Variants in DPP6 observed in about 807,000 individuals in gnomAD.
DPP6 encodes the protein A-type potassium channel modulatory protein DPP6.
Under a neutral mutation model 122.6 loss-of-function variants are expected in DPP6, and 69 were observed. That is an observed-to-expected ratio of 0.56 (90% confidence interval 0.46 to 0.69). DPP6 has a LOEUF of 0.69. DPP6 is among the 30% of genes least tolerant of loss of function. The pLI, the probability that DPP6 is intolerant of heterozygous loss-of-function variation, is 0.00. For missense variants in DPP6, 928 were observed against 1,116.9 expected (o/e 0.83, Z 2.41); for synonymous variants, 418 against 433.1 (o/e 0.97, Z 0.43).
At chr7:154,305,420 C>G (rs909822519) in intron 1 of DPP6, 86 of 1,256,894 alleles carry the variant, frequency 6.8e-5, no homozygotes, top group Non-Finnish European at 7.1e-5. Context: ...CTTACCTTAC[C>G]GCTTGGACTC....
the DPP6 span, among the ~76,000 whole-genome samples, chr7:153,808,418 T>C: frequency 1.3e-5 from 2 of 151,858 alleles, no homozygotes; most frequent in African/African-American, 4.9e-5. Flanking sequence ...TGTATGTGTG[T>C]CTGTGTGTGT....
chr7:154,202,661 C>T (rs1481582970), intron 1 of DPP6, among the ~76,000 whole-genome samples: 3 of 152,166 alleles, frequency 2.0e-5, no homozygotes, highest in African/African-American at 7.2e-5. Context: ...TCCTGTGAAC[C>T]CGTCATCCCC....
At chr7:154,828,037 C>T (rs542434851) in intron 16 of DPP6, among the ~76,000 whole-genome samples, 8 of 152,254 alleles carry the variant, frequency 5.3e-5, no homozygotes, top group Admixed American at 4.6e-4. Flanking sequence ...TCTTTCTAAA[C>T]GCAGCGCTGA....
intron 1 of DPP6, among the ~76,000 whole-genome samples, chr7:154,367,867 C>T (rs1264716168): frequency 6.6e-6 from 1 of 152,304 alleles, no homozygotes; most frequent in African/African-American, 2.4e-5. Flanking sequence ...CGACAGTGGG[C>T]GCGATCTCGG....
intron 1 of DPP6, among the ~76,000 whole-genome samples, chr7:154,263,180 A>G (rs978177387): frequency 1.4e-4 from 21 of 152,190 alleles, no homozygotes; most frequent in African/African-American, 2.4e-4. Flanking sequence ...GTGATTGCCT[A>G]TTACAGGAGA....
chr7:154,326,954 G>T (rs1808496228), intron 1 of DPP6, among the ~76,000 whole-genome samples: 1 of 152,188 alleles, frequency 6.6e-6, no homozygotes, highest in African/African-American at 2.4e-5. Context: ...TCGCTAGAGG[G>T]TGGGCAGAGA....
rs898238178 is a variant in DPP6 at position 154,879,217 on chromosome 7, C to T, written c.2079-1671C>T. The stretch of plus-strand genomic sequence containing the variant: ...CAGCACTTTGGGAGGCCCAGGTGGG[C>T]GGATCACCGGAGTCCAGGAGTTCAA... On this transcript the variant is annotated intron_variant, in intron 20 of 25. Coordinates refer to ENST00000377770, the MANE Select transcript of DPP6 (RefSeq NM_130797.4). Among the ~76,000 whole-genome samples the T allele has an allele frequency of 2.6e-5, 4 of 152,098 alleles. 1 individual carries two copies. The highest frequency in any genetic ancestry group is 7.2e-5 in the African/African-American group (3 of 41,408).
chr7:153,967,019 A>G (rs904172313), intron 1 of DPP6, among the ~76,000 whole-genome samples: 6 of 150,344 alleles, frequency 4.0e-5, no homozygotes, highest in Non-Finnish European at 7.3e-5. Flanking sequence ...GTGTGCCCTG[A>G]TGGTGCCACA....
intron 3 of DPP6, among the ~76,000 whole-genome samples, chr7:154,528,645 G>A (rs531893667): frequency 6.6e-6 from 1 of 152,294 alleles, no homozygotes; most frequent in Non-Finnish European, 1.5e-5. Flanking sequence ...CTTCTCTGGC[G>A]AATCATGTAC....
At chr7:154,459,624 G>GT (rs1821099558) in intron 2 of DPP6, among the ~76,000 whole-genome samples, 1 of 151,936 alleles carries the variant, frequency 6.6e-6, no homozygotes, top group African/African-American at 2.4e-5. Context: ...GAGGTCAGGT[G>GT]TTTGAGACCA....
chr7:154,051,029 T>G (rs1800278543), upstream of DPP6, among the ~76,000 whole-genome samples: 1 of 133,832 alleles, frequency 7.5e-6, no homozygotes, highest in South Asian at 2.4e-4. Flanking sequence ...GCATGCAGTT[T>G]CAGGCCCAGG....
intron 6 of DPP6, among the ~76,000 whole-genome samples, chr7:154,647,479 G>C (rs2130972625): frequency 6.6e-6 from 1 of 152,264 alleles, no homozygotes; most frequent in Non-Finnish European, 1.5e-5. Context: ...TCAGTAAAGG[G>C]GTTATAGTAT....
chr7:154,210,873 T>G (rs1799704414), intron 1 of DPP6, among the ~76,000 whole-genome samples: 1 of 152,032 alleles, frequency 6.6e-6, no homozygotes, highest in African/African-American at 2.4e-5. Context: ...GCCGTAATCG[T>G]TAGATGCCAG....
At chr7:153,937,210 C>T (rs1801488556) in intron 1 of DPP6, among the ~76,000 whole-genome samples, 1 of 152,100 alleles carries the variant, frequency 6.6e-6, no homozygotes, top group African/African-American at 2.4e-5. Flanking sequence ...CTAGAAAGCC[C>T]TGTGGGCCTC....
chr7:153,953,088 T>C (rs73496227), intron 1 of DPP6, among the ~76,000 whole-genome samples: 3,344 of 152,266 alleles, frequency 0.022, 129 homozygotes, highest in African/African-American at 0.075. Context: ...TGAAATGAGA[T>C]AGTTCACCAT....
At chr7:154,320,001 A>AAT (rs71182894) in intron 1 of DPP6, among the ~76,000 whole-genome samples, 4,338 of 139,052 alleles carry the variant, frequency 0.031, 98 homozygotes, top group African/African-American at 0.054. Flanking sequence ...AAATATTTCA[A>AAT]ATATATATAT....
intron 1 of DPP6, among the ~76,000 whole-genome samples, chr7:154,239,784 C>A (rs1227038065): frequency 2.0e-5 from 3 of 146,898 alleles, no homozygotes; most frequent in Non-Finnish European, 3.0e-5. Context: ...ACCAGCCTGG[C>A]CAACATGGTA....
chr7:154,538,819 G>C (rs933023149), intron 3 of DPP6, among the ~76,000 whole-genome samples: 1 of 152,092 alleles, frequency 6.6e-6, no homozygotes, highest in Admixed American at 6.6e-5. Context: ...GATGCACCTT[G>C]GTGTGTTTGC....
intron 6 of DPP6, among the ~76,000 whole-genome samples, chr7:154,663,393 G>C (rs1360775233): frequency 2.4e-5 from 1 of 41,248 alleles, no homozygotes; most frequent in African/African-American, 4.7e-5. Flanking sequence ...GCGTATTGGC[G>C]CTAGTATTCA....
Sources: allele counts gnomAD v4.1 joint callset (sites outside exome capture counted in the v4.1 genomes callset), GRCh38; gene constraint gnomAD v4.1.1; transcripts MANE v1.5; gene names NCBI Gene and HGNC (gene_info 2026-07-23, HGNC 2026-07-21).